The following NARS2 variants were observed in gnomAD, a reference collection of about 807,000 sequenced individuals.
The protein encoded by NARS2 is asparaginyl-tRNA synthetase 2, mitochondrial, also known as asparaginyl-tRNA synthetase.
A neutral mutation model predicts 62.9 loss-of-function variants in NARS2; 60 were observed. That is an observed-to-expected ratio of 0.95 (90% CI 0.77 to 1.18). The LOEUF is 1.18. Among genes scored for constraint, NARS2 ranks in the 50% most tolerant of loss-of-function variants. The probability of loss-of-function intolerance (pLI) is 0.00; values close to 1 mark genes in which losing one functional copy is unlikely to be tolerated. For synonymous variants in NARS2, 196 were observed against 200.0 expected (o/e 0.98, Z 0.17); for missense variants, 619 against 576.4 (o/e 1.07, Z -0.76).
intron 4 of NARS2, among the ~76,000 whole-genome samples, 172 bp from the exon 5 acceptor site, chr11:78,559,791 A>C (rs764457402): frequency 2.6e-5 from 4 of 152,222 alleles, no homozygotes; most frequent in African/African-American, 9.6e-5. Context: ...AACTACCCAC[A>C]GGGGCACAAA....
At chr11:78,500,240 T>A (rs1341961764) in intron 6 of NARS2, among the ~76,000 whole-genome samples, 1 of 152,178 alleles carries the variant, frequency 6.6e-6, no homozygotes, top group Admixed American at 6.5e-5. Flanking sequence ...GCTGAAATCA[T>A]GGCTCCTCCA....
intron 5 of NARS2, chr11:78,546,736 C>G (rs1855892988): frequency 6.6e-6 from 1 of 152,188 alleles, no homozygotes; most frequent in African/African-American, 2.4e-5. Flanking sequence ...TGAAAGGTAC[C>G]TGGTATGAAT....
intron 7 of NARS2, among the ~76,000 whole-genome samples, chr11:78,483,053 G>A (rs1002707140): frequency 2.0e-5 from 3 of 152,140 alleles, no homozygotes; most frequent in Non-Finnish European, 4.4e-5. Context: ...GATCAAGTCA[G>A]CTTCATCCCT....
chr11:78,559,612 C>T lies in NARS2; in HGVS notation c.521G>A (p.Gly174Asp). The part of the protein sequence containing the change: ...AAIHSFFKDS[G>D]FVHIHTPIIT... ...TATTGGAGTATGAATATGTACAAAGCCACTGTCCTGAAAAAGAAAACCACT... is the reference window on the plus strand; with the variant it reads ...TATTGGAGTATGAATATGTACAAAGTCACTGTCCTGAAAAAGAAAACCACT... The change falls in exon 5 of 14, where the codon GGC becomes GAC. Residue 174 changes from glycine (G) to aspartate (D), a missense_variant. Gly to Asp is a moderately conservative substitution (Grantham distance 94). Coordinates refer to ENST00000281038, the MANE Select transcript of NARS2 (RefSeq NM_024678.6). The T allele has an allele frequency of 1.2e-6, 2 of 1,610,092 alleles. No individual in the cohort carries two copies.
rs2135134684 is a variant in NARS2, at chr11:78,441,121, T to C, written c.1263-4A>G. The stretch of plus-strand genomic sequence containing the variant: ...GTAGACTTCTGTAAGTCCCGATCTG[T>C]TTAAAGGAAAATAAAATTCTTTCAG... On this transcript the variant is annotated splice_region_variant and splice_polypyrimidine_tract_variant and intron_variant, in intron 12 of 13. Coordinates refer to ENST00000281038, the MANE Select transcript of NARS2 (RefSeq NM_024678.6). 7 of 1,609,356 alleles carry C rather than the reference T, an allele frequency of 4.3e-6. No individual in the cohort carries two copies. Among genetic ancestry groups the C allele is most frequent in the Non-Finnish European group, 5.9e-6 (7 of 1,177,864 alleles).
At chr11:78,509,120 A>T (rs1860618913) in intron 6 of NARS2, among the ~76,000 whole-genome samples, 1 of 152,006 alleles carries the variant, frequency 6.6e-6, no homozygotes, top group Admixed American at 6.6e-5. Context: ...AGGAAAAAAA[A>T]AAAAAAAAAG....
intron 6 of NARS2, among the ~76,000 whole-genome samples, chr11:78,521,773 G>A (rs1861133783): frequency 8.4e-6 from 1 of 119,130 alleles, no homozygotes; most frequent in South Asian, 2.9e-4. Flanking sequence ...CTGGGCGACA[G>A]AGCGAGACTC....
chr11:78,542,548 G>A lies in NARS2; in HGVS notation c.595-13612C>T, dbSNP rs553896858. 7.2e-5 allele frequency among the ~76,000 whole-genome samples: 11 copies of A among 152,312 alleles called. No individual in the cohort carries two copies. The East Asian group carries it at 2.1e-3, about 29-fold the overall frequency. On this transcript the variant is annotated intron_variant, in intron 5 of 13. Coordinates refer to ENST00000281038, the MANE Select transcript of NARS2 (RefSeq NM_024678.6). ...AGTCCGTTAACTAGGACTTCTGTGA[G>A]AAGGGATACCTATGCTCCAGAGTTA...
intron 5 of NARS2, among the ~76,000 whole-genome samples, chr11:78,530,200 G>C (rs1861428319): frequency 6.6e-6 from 1 of 150,792 alleles, no homozygotes; most frequent in Non-Finnish European, 1.5e-5. Context: ...TCAATGAAAG[G>C]GTATTGCTTC....
rs149807781 is a variant in NARS2, at chr11:78,561,343, G to A, written c.514-1724C>T. Among the ~76,000 whole-genome samples the A allele has an allele frequency of 8.7e-3, 1,320 of 152,272 alleles. 6 individuals are homozygous for A. The highest frequency in any genetic ancestry group is 0.015 in the Non-Finnish European group (1,033 of 68,018). Reference sequence around the variant, plus strand: ...GAATAAAAGGAAAGTAAATAGCAAGGAGTGGTTAAGTATTGTCAGTATGTG... The same window carrying A: ...GAATAAAAGGAAAGTAAATAGCAAGAAGTGGTTAAGTATTGTCAGTATGTG... On this transcript the variant is annotated intron_variant, in intron 4 of 13. Coordinates refer to ENST00000281038, the MANE Select transcript of NARS2 (RefSeq NM_024678.6).
chr11:78,457,975 G>C (rs1024284685), intron 11 of NARS2, among the ~76,000 whole-genome samples: 4 of 152,128 alleles, frequency 2.6e-5, no homozygotes, highest in African/African-American at 9.7e-5. Flanking sequence ...TGTAACGGGG[G>C]CTTGGAAGGG....
chr11:78,548,736 GAC>G (rs966030020), intron 5 of NARS2, among the ~76,000 whole-genome samples: 23 of 151,926 alleles, frequency 1.5e-4, no homozygotes, highest in Non-Finnish European at 2.5e-4. Flanking sequence ...CTTCTGACAT[GAC>G]AGTGTGGGGA....
chr11:78,506,851 T>G (rs1184747531), intron 6 of NARS2, among the ~76,000 whole-genome samples: 1 of 152,160 alleles, frequency 6.6e-6, no homozygotes, highest in East Asian at 1.9e-4. Context: ...ATGTAACTGT[T>G]TTTGAAACTT....
intron 5 of NARS2, among the ~76,000 whole-genome samples, chr11:78,541,830 T>C (rs913044494): frequency 6.6e-6 from 1 of 152,356 alleles, no homozygotes; most frequent in South Asian, 2.1e-4. Flanking sequence ...GCAGTTGCTA[T>C]CATTGCTGCA....
At chr11:78,472,524 A>C (rs547654149) in intron 9 of NARS2, among the ~76,000 whole-genome samples, 9 of 152,382 alleles carry the variant, frequency 5.9e-5, no homozygotes, top group African/African-American at 2.2e-4. Flanking sequence ...AATGTAAAAT[A>C]AACTGAATAC....
At chr11:78,496,891 A>G (rs1166307265) in intron 6 of NARS2, among the ~76,000 whole-genome samples, 1 of 152,154 alleles carries the variant, frequency 6.6e-6, no homozygotes, top group Non-Finnish European at 1.5e-5. Flanking sequence ...AATCACTTCT[A>G]TTTTAATTTA....
rs140866681 is a variant in NARS2 at position 78,566,111 on chromosome 11, A to G, written c.513+21T>C. The G allele has an allele frequency of 9.8e-3, 15,584 of 1,589,070 alleles. 91 individuals are homozygous for G. Among genetic ancestry groups the G allele is most frequent in the Non-Finnish European group, 0.012 (14,034 of 1,167,976 alleles). On this transcript the variant is annotated intron_variant, in intron 4 of 13. Coordinates refer to ENST00000281038, the MANE Select transcript of NARS2 (RefSeq NM_024678.6). ...TATTAAAACTGTTTAAAGGGTCAAG[A>G]GGGAACTTTTAGGATCTTACCTTAA... is the stretch of plus-strand genomic sequence containing the variant.
intron 11 of NARS2, among the ~76,000 whole-genome samples, chr11:78,465,233 C>G (rs887377622): frequency 1.3e-5 from 2 of 152,378 alleles, no homozygotes; most frequent in Admixed American, 1.3e-4. Context: ...ACCTGGAACT[C>G]GCACTGGCCC....
At chr11:78,558,443 C>T (rs912482219) in intron 5 of NARS2, 4 of 152,182 alleles carry the variant, frequency 2.6e-5, no homozygotes, top group African/African-American at 9.7e-5. Context: ...AAAGCAGTTA[C>T]ATACAAATTT....
Sources: gnomAD v4.1 joint callset for allele counts (sites outside exome capture counted in the v4.1 genomes callset) on GRCh38, gnomAD v4.1.1 for gene constraint, MANE v1.5 for transcripts, NCBI Gene and HGNC (gene_info 2026-07-23, HGNC 2026-07-21) for gene names.